SLC34A2: variants seen among roughly 807,000 people sequenced by gnomAD.
The protein encoded by SLC34A2 is solute carrier family 34 member 2, also known as sodium-dependent phosphate transport protein 2B.
Under a neutral mutation model 50.8 loss-of-function variants are expected in SLC34A2, and 41 were observed. That is an observed-to-expected ratio of 0.81 (90% CI 0.63 to 1.05). SLC34A2 has a LOEUF of 1.05. Among genes scored for constraint, SLC34A2 ranks in the 50% least tolerant of loss-of-function variants. The pLI, the probability that SLC34A2 is intolerant of heterozygous loss-of-function variation, is 0.00. For synonymous variants in SLC34A2, 401 were observed against 364.2 expected (o/e 1.10, Z -1.15); for missense variants, 879 against 876.7 (o/e 1.00, Z -0.03).
chr4:25,671,195 C>A (rs556843562), intron 8 of SLC34A2, among the ~76,000 whole-genome samples: 1 of 152,248 alleles, frequency 6.6e-6, no homozygotes, highest in South Asian at 2.1e-4. Flanking sequence ...AGCAAGTGTC[C>A]TCTCTCTTAC....
chr4:25,669,321 C>T (rs901866509), intron 6 of SLC34A2, among the ~76,000 whole-genome samples: 1 of 152,116 alleles, frequency 6.6e-6, no homozygotes, highest in African/African-American at 2.4e-5. Context: ...TCATACTGGT[C>T]CCCACCTTTC....
intron 5 of SLC34A2, among the ~76,000 whole-genome samples, chr4:25,666,682 T>G (rs368487974): frequency 1.3e-5 from 2 of 152,202 alleles, no homozygotes; most frequent in Non-Finnish European, 2.9e-5. Flanking sequence ...TATTGAGAAG[T>G]AGAGACATAG....
Position 25,676,528 on chromosome 4 carries a change from T to C in SLC34A2, c.1852T>C (p.Cys618Arg). 6.2e-7 allele frequency: 1 copy of C among 1,604,394 alleles called. No individual in the cohort carries two copies. The highest frequency in any genetic ancestry group is 8.5e-7 in the Non-Finnish European group (1 of 1,171,992). The change falls in exon 13 of 13, where the codon TGC becomes CGC. Residue 618 changes from cysteine (C) to arginine (R), a missense_variant. Coordinates refer to ENST00000382051, the MANE Select transcript of SLC34A2 (RefSeq NM_006424.3). ...GTTCACCGGCTGCTTCCAGATGCGC[T>C]GCTGCTGCTGCTGCCGCGTGTGCTG... ...SKFTGCFQMR[C>R]CCCCRVCCRA...
Position 25,665,669 on chromosome 4 carries a change from A to G in SLC34A2, c.380-459A>G, listed in dbSNP as rs563355285. Among the ~76,000 whole-genome samples, 37 of 152,196 alleles carry G rather than the reference A, an allele frequency of 2.4e-4. No homozygotes were observed. The South Asian group carries it at 7.5e-3, about 31-fold the overall frequency. On this transcript the variant is annotated intron_variant, in intron 4 of 12. Coordinates refer to ENST00000382051, the MANE Select transcript of SLC34A2 (RefSeq NM_006424.3). ...CAATTACAGGCTGGTGCTAGGGCTA[A>G]GGGTGGATAGAGAGATCTACTCTTG...
At position 25,677,047 on chromosome 4, in the gene SLC34A2, G is replaced by A. The variant is rs1225103949; in HGVS notation, c.*298G>A. 9 of 430,462 alleles carry A rather than the reference G, an allele frequency of 2.1e-5. No homozygotes were observed. Among genetic ancestry groups the A allele is most frequent in the Non-Finnish European group, 3.8e-5 (9 of 236,074 alleles). The allele number at this position is 430,462 out of a possible 1,614,324, so 26.7% of individuals were successfully genotyped here. On this transcript the variant is annotated 3_prime_UTR_variant, in exon 13 of 13. Transcript: ENST00000382051. ...GATGTCTAATCCTGCGCCTAGCTGG[G>A]TTGGTCAGTAGAACCTATTTTCAGA...
At chr4:25,674,850 G>A (rs1276780110) in intron 12 of SLC34A2, among the ~76,000 whole-genome samples, 1 of 152,164 alleles carries the variant, frequency 6.6e-6, no homozygotes, top group Non-Finnish European at 1.5e-5. Context: ...ACTGGTGGTT[G>A]TTTCAGCAAA....
At chr4:25,668,133 G>T (rs1714601497) in intron 6 of SLC34A2, 142 bp downstream of exon 6, 1 of 708,052 alleles carries the variant, frequency 1.4e-6, no homozygotes, top group East Asian at 2.7e-5. Context: ...GGGAGGTATG[G>T]CTAGGGTTGG....
rs75359384 is a variant in SLC34A2, at chr4:25,676,483, T to G, written c.1807T>G (p.Trp603Gly). 4.3e-6 allele frequency: 7 copies of G among 1,614,162 alleles called. No individual in the cohort carries two copies. The highest frequency in any genetic ancestry group is 5.9e-6 in the Non-Finnish European group (7 of 1,180,030). ...GCTGTGGATGCGCTCGCTGAAGCCC[T>G]GGGATGCCGTCGTCTCCAAGTTCAC... ...LPLWMRSLKP[W>G]DAVVSKFTGC... Residue 603 changes from tryptophan (W) to glycine (G), a missense_variant, in exon 13 of 13, where the codon TGG becomes GGG. By Grantham distance (184) the Trp-to-Gly change is radical. Coordinates refer to ENST00000382051, the MANE Select transcript of SLC34A2 (RefSeq NM_006424.3).
At position 25,677,447 on chromosome 4, in the gene SLC34A2, C is replaced by T. The variant is rs1715203981; in HGVS notation, c.*698C>T. On this transcript the variant is annotated 3_prime_UTR_variant, in exon 13 of 13. Transcript: ENST00000382051. Reference sequence around the variant, plus strand: ...CCTGAACTAGAGTTCAGGCTGGATACATGTGCTCACCTGCTGCTCTTGTCT... The same window carrying T: ...CCTGAACTAGAGTTCAGGCTGGATATATGTGCTCACCTGCTGCTCTTGTCT... 6.6e-6 allele frequency: 1 copy of T among 152,418 alleles called. No homozygotes were observed. The highest frequency in any genetic ancestry group is 2.4e-5 in the African/African-American group (1 of 41,438). The allele number at this position is 152,418 out of a possible 1,614,324, so 9.4% of individuals were successfully genotyped here. A position where few individuals can be genotyped will look rare whatever the true frequency, so the allele number is the denominator to read the frequency against.
chr4:25,669,322 C>T (rs757525823), intron 6 of SLC34A2, among the ~76,000 whole-genome samples: 3 of 152,072 alleles, frequency 2.0e-5, no homozygotes, highest in Non-Finnish European at 4.4e-5. Context: ...CATACTGGTC[C>T]CCACCTTTCC....
intron 10 of SLC34A2, among the ~76,000 whole-genome samples, chr4:25,673,638 G>C (rs75228217): frequency 6.6e-6 from 1 of 152,172 alleles, no homozygotes; most frequent in Admixed American, 6.5e-5. Flanking sequence ...GAAATGTGAT[G>C]CATAAATACA....
At chr4:25,664,743 G>C (rs1386437133) in intron 4 of SLC34A2, among the ~76,000 whole-genome samples, 1 of 150,242 alleles carries the variant, frequency 6.7e-6, no homozygotes, top group African/African-American at 2.5e-5. Flanking sequence ...CCCTTCTCTG[G>C]GCTGGAGGAA....
rs747268192 is a variant in SLC34A2 at position 25,676,790 on chromosome 4, A to G, written c.*41A>G. 9.3e-6 allele frequency: 15 copies of G among 1,612,936 alleles called. No homozygotes were observed. Among genetic ancestry groups the G allele is most frequent in the Non-Finnish European group, 1.3e-5 (15 of 1,179,534 alleles). ...GTCAGGGATGGGGGGATGGTCCTTG[A>G]GTTTTGCATGCTCTCCTCCCTCCCA... On this transcript the variant is annotated 3_prime_UTR_variant, in exon 13 of 13. Coordinates refer to ENST00000382051, the MANE Select transcript of SLC34A2 (RefSeq NM_006424.3).
chr4:25,674,149 G>T (rs924070602), intron 10 of SLC34A2, 147 bp from the exon 11 acceptor site: 1 of 709,842 alleles, frequency 1.4e-6, no homozygotes. Context: ...AATGGGGAAT[G>T]AAACTGGATT....
chr4:25,659,321 T>G (rs1311207643), intron 1 of SLC34A2, among the ~76,000 whole-genome samples: 1 of 152,178 alleles, frequency 6.6e-6, no homozygotes, highest in Non-Finnish European at 1.5e-5. Flanking sequence ...AGGACACTCC[T>G]CTGCCACAAA....
chr4:25,674,434 C>A, intron 11 of SLC34A2, 22 bp downstream of exon 11: 1 of 1,614,194 alleles, frequency 6.2e-7, no homozygotes, highest in Non-Finnish European at 8.5e-7. Flanking sequence ...CCTGGCTTCT[C>A]CCTCTGGCCA....
intron 1 of SLC34A2, among the ~76,000 whole-genome samples, chr4:25,658,883 C>G (rs557420244): frequency 1.0e-3 from 159 of 151,558 alleles, no homozygotes; most frequent in Non-Finnish European, 1.9e-3. Flanking sequence ...CATTCTCTGC[C>G]TGCACCATTT....
intron 8 of SLC34A2, 107 bp downstream of exon 8, chr4:25,670,940 T>C: frequency 2.2e-6 from 2 of 903,854 alleles, no homozygotes; most frequent in Admixed American, 4.1e-5. Flanking sequence ...GGGAAAGAAA[T>C]ATTGGGAGTC....
intron 3 of SLC34A2, among the ~76,000 whole-genome samples, chr4:25,663,241 A>G (rs1194705345): frequency 3.9e-5 from 6 of 152,166 alleles, no homozygotes; most frequent in African/African-American, 1.2e-4. Flanking sequence ...GGCATGAGCC[A>G]CAGCACCCGG....
Sources: allele counts gnomAD v4.1 joint callset (sites outside exome capture counted in the v4.1 genomes callset), GRCh38; gene constraint gnomAD v4.1.1; transcripts MANE v1.5; gene names NCBI Gene and HGNC (gene_info 2026-07-23, HGNC 2026-07-21).